DNAJC2: variants seen among roughly 807,000 people sequenced by gnomAD.
DNAJC2 encodes dnaJ homolog subfamily C member 2.
DNAJC2 carries 32 observed loss-of-function variants against 94.0 expected under a neutral mutation model. The observed-to-expected ratio is 0.34, with a 90% CI of 0.26 to 0.46. The LOEUF (loss-of-function observed/expected upper bound fraction) is 0.46. DNAJC2 is among the 20% of genes least tolerant of loss of function. DNAJC2 has a pLI of 1.00. For missense variants in DNAJC2, 550 were observed against 719.5 expected, an observed-to-expected ratio of 0.76 and a Z score of 2.69; for synonymous variants, 210 against 229.7, an observed-to-expected ratio of 0.91 and a Z score of 0.77.
chr7:103,343,095 G>A (rs1317259385), intron 1 of DNAJC2, among the ~76,000 whole-genome samples: 1 of 151,906 alleles, frequency 6.6e-6, no homozygotes, highest in Non-Finnish European at 1.5e-5. Context: ...CGCCTCCCGG[G>A]TTCAAACGAT....
chr7:103,319,766 C>G lies in DNAJC2; in HGVS notation c.1162G>C (p.Glu388Gln). 4 of 1,614,206 alleles carry G rather than the reference C, an allele frequency of 2.5e-6. No homozygotes were observed. In the South Asian group the frequency reaches 3.3e-5, roughly 13 times the overall value. Residue 388 changes from glutamate (E) to glutamine (Q), a missense_variant, in exon 11 of 17, where the codon GAA becomes CAA. By Grantham distance (29) the Glu-to-Gln change is conservative (BLOSUM62 2). Around this residue, in one of 2 missense-constraint regions of DNAJC2, gnomAD observed 271 missense variants for 302.6 expected, o/e 0.90. Transcript: ENST00000379263. ...GTTCCATAGGTATACCTTGCCAGTT[C>G]AAGCCGATCACAAAGTTTTTCCACT... The part of the protein sequence containing the change: ...EEVEKLCDRL[E>Q]LASLQCLNET...
At chr7:103,317,613 T>C (rs886972760) in intron 12 of DNAJC2, among the ~76,000 whole-genome samples, 1 of 152,206 alleles carries the variant, frequency 6.6e-6, no homozygotes, top group East Asian at 1.9e-4. Context: ...AAAAATTTTT[T>C]TGATTCCCAT....
Position 103,315,880 on chromosome 7 carries a change from T to C in DNAJC2, c.1529-9A>G. The stretch of plus-strand genomic sequence containing the variant: ...ATCTTTTTGATGAGGGTCTGAGAAA[T>C]GAAAAAAATTTAATACTTAACAGAT... On this transcript the variant is annotated splice_polypyrimidine_tract_variant and intron_variant, in intron 14 of 16. Transcript: ENST00000379263. 1 of 1,594,756 alleles carries C rather than the reference T, an allele frequency of 6.3e-7. No homozygotes were observed. The highest frequency in any genetic ancestry group is 8.6e-7 in the Non-Finnish European group (1 of 1,166,504).
chr7:103,341,863 T>G lies in DNAJC2; in HGVS notation c.156A>C (p.Glu52Asp). ...RNRNASASFQELEDKKELSEE... is the reference protein window; with the variant it reads ...RNRNASASFQDLEDKKELSEE... ...CGGATAACTCTTTCTTATCCTCCAGTTCCTGAAAAGAGGCAGAAGCATTTC... is the reference window on the plus strand; with the variant it reads ...CGGATAACTCTTTCTTATCCTCCAGGTCCTGAAAAGAGGCAGAAGCATTTC... Residue 52 changes from glutamate (E) to aspartate (D), a missense_variant, in exon 2 of 17, where the codon GAA (glutamate) becomes GAC (aspartate). Transcript: ENST00000379263. 6.2e-7 allele frequency: 1 copy of G among 1,613,296 alleles called. No individual in the cohort carries two copies. The highest frequency in any genetic ancestry group is 8.5e-7 in the Non-Finnish European group (1 of 1,179,816).
At chr7:103,334,901 T>G (rs1047485236) in intron 3 of DNAJC2, among the ~76,000 whole-genome samples, 3 of 152,200 alleles carry the variant, frequency 2.0e-5, no homozygotes, top group African/African-American at 7.2e-5. Flanking sequence ...TGGTGCAATC[T>G]CGGCTGGCTG....
chr7:103,326,585 T>G lies in DNAJC2; in HGVS notation c.530A>C (p.Asn177Thr). 1.2e-6 allele frequency: 2 copies of G among 1,613,966 alleles called. No homozygotes were observed. The highest frequency in any genetic ancestry group is 1.7e-6 in the Non-Finnish European group (2 of 1,179,942). ...CACTGGGGTAAACACTTCGAAGAAA[T>G]TATCCTTTGCTTCACTTTTAGAAGG... ...SVPSKSEAKDNFFEVFTPVFE... is the reference protein window; with the variant it reads ...SVPSKSEAKDTFFEVFTPVFE... The change falls in exon 5 of 17, where the codon AAT (asparagine) becomes ACT (threonine). Residue 177 changes from asparagine to threonine, a missense_variant. By Grantham distance (65) the Asn-to-Thr change is moderately conservative (BLOSUM62 0). This residue lies in a region of DNAJC2 where 279 missense variants were observed against 416.9 expected (regional missense o/e 0.67). Coordinates refer to ENST00000379263, the MANE Select transcript of DNAJC2 (RefSeq NM_014377.3).
chr7:103,317,064 T>A, intron 12 of DNAJC2, 50 bp from the exon 13 acceptor site: 1 of 1,480,312 alleles, frequency 6.8e-7, no homozygotes, highest in Non-Finnish European at 9.3e-7. Context: ...GTATTGCTAT[T>A]CTACACTCTC....
chr7:103,317,689 C>T (rs1175544748), intron 12 of DNAJC2, among the ~76,000 whole-genome samples: 3 of 152,112 alleles, frequency 2.0e-5, no homozygotes, highest in African/African-American at 4.8e-5. Context: ...CTCACTCTGT[C>T]GCCCAGGCTG....
At position 103,344,761 on chromosome 7, in the gene DNAJC2, G is replaced by C. The variant is rs896060828; in HGVS notation, c.-139C>G. On this transcript the variant is annotated 5_prime_UTR_variant, in exon 1 of 17. Transcript: ENST00000379263. ...CGCCCAGGAACCGGCGCATGGAGAC[G>C]ACCAGTAAGCACTTCCGGGATGGAT... 1.2e-6 allele frequency: 1 copy of C among 810,408 alleles called. No individual in the cohort carries two copies. The allele number at this position is 810,408 out of a possible 1,614,324, so 50.2% of individuals were successfully genotyped here.
Position 103,319,669 on chromosome 7 carries a change from G to A in DNAJC2, c.1182C>T (p.Cys394=), listed in dbSNP as rs747655475. ...CDRLELASLQ[C]LNETLTSCTK... is the part of the protein sequence containing the mutation. Reference sequence around the variant, plus strand: ...TGCATGATGTGAGTGTTTCATTCAAGCACTGTAAGCTAAAGAAAAAAAAAG... The same window carrying A: ...TGCATGATGTGAGTGTTTCATTCAAACACTGTAAGCTAAAGAAAAAAAAAG... Residue 394 remains cysteine, a synonymous_variant, in exon 12 of 17, where the codon TGC becomes TGT. Coordinates refer to ENST00000379263, the MANE Select transcript of DNAJC2 (RefSeq NM_014377.3). 2.5e-6 allele frequency: 4 copies of A among 1,613,740 alleles called. No homozygotes were observed.
intron 12 of DNAJC2, among the ~76,000 whole-genome samples, chr7:103,318,126 A>G (rs1431865228): frequency 6.6e-6 from 1 of 151,814 alleles, no homozygotes; most frequent in African/African-American, 2.4e-5. Flanking sequence ...GCTTTTCCTA[A>G]CTGATTTTGT....
rs137872301 is a variant in DNAJC2, at chr7:103,338,093, T to C, written c.256-282A>G. On this transcript the variant is annotated intron_variant, in intron 2 of 16. Coordinates refer to ENST00000379263, the MANE Select transcript of DNAJC2 (RefSeq NM_014377.3). The stretch of plus-strand genomic sequence containing the variant: ...CCAGCCTGGGCAACAAAGTAAGATC[T>C]CTGTCTCTACAAAAAAATTTTTAAA... 3.8e-3 allele frequency among the ~76,000 whole-genome samples: 571 copies of C among 152,058 alleles called. 4 individuals are homozygous for C. Among genetic ancestry groups the C allele is most frequent in the African/African-American group, 0.014 (562 of 41,478 alleles).
chr7:103,342,778 T>G (rs2116071648), intron 1 of DNAJC2, among the ~76,000 whole-genome samples: 1 of 150,944 alleles, frequency 6.6e-6, no homozygotes, highest in African/African-American at 2.4e-5. Context: ...CCGGCTAATT[T>G]TTTGCATTTT....
At chr7:103,315,140 C>T (rs771554954) in intron 15 of DNAJC2, among the ~76,000 whole-genome samples, 1 of 150,684 alleles carries the variant, frequency 6.6e-6, no homozygotes, top group Non-Finnish European at 1.5e-5. Flanking sequence ...AGAGTAATCA[C>T]AACACCCAAG....
chr7:103,344,471 G>C (rs1769609294), intron 1 of DNAJC2, 88 bp downstream of exon 1: 7 of 1,478,810 alleles, frequency 4.7e-6, no homozygotes, highest in Non-Finnish European at 6.6e-6. Context: ...CCAGGGTCAA[G>C]GGTAGAGAGA....
At chr7:103,335,328 A>C (rs1819125293) in intron 3 of DNAJC2, 1 of 152,226 alleles carries the variant, frequency 6.6e-6, no homozygotes, top group Non-Finnish European at 1.5e-5. Flanking sequence ...ATAGATTTTC[A>C]GAAAGCAATG....
At chr7:103,314,963 A>G (rs929184093) in intron 15 of DNAJC2, among the ~76,000 whole-genome samples, 2 of 152,174 alleles carry the variant, frequency 1.3e-5, no homozygotes, top group Non-Finnish European at 2.9e-5. Flanking sequence ...TTGTCATAGC[A>G]AGAAAAAAAT....
chr7:103,319,926 T>C, intron 10 of DNAJC2, 82 bp from the exon 11 acceptor site: 1 of 1,467,874 alleles, frequency 6.8e-7, no homozygotes, highest in Non-Finnish European at 9.5e-7. Flanking sequence ...TCCCAGCTAC[T>C]CGGGAGGCTG....
At position 103,344,625 on chromosome 7, in the gene DNAJC2, T is replaced by G. The variant is rs1819530816; in HGVS notation, c.-3A>C. Reference sequence around the variant, plus strand: ...GCGGCGCTTGGCAGAAGCAGCATGATGGCGCCGGGTCTAGCCCGGTGGGCG... The same window carrying G: ...GCGGCGCTTGGCAGAAGCAGCATGAGGGCGCCGGGTCTAGCCCGGTGGGCG... On this transcript the variant is annotated 5_prime_UTR_variant, in exon 1 of 17. Coordinates refer to ENST00000379263, the MANE Select transcript of DNAJC2 (RefSeq NM_014377.3). 6.2e-7 allele frequency: 1 copy of G among 1,609,818 alleles called. No individual in the cohort carries two copies. The highest frequency in any genetic ancestry group is 8.5e-7 in the Non-Finnish European group (1 of 1,179,910).
Sources: allele counts gnomAD v4.1 joint callset (sites outside exome capture counted in the v4.1 genomes callset), GRCh38; gene constraint gnomAD v4.1.1; regional missense constraint gnomAD v4.1.1; transcripts MANE v1.5; gene names NCBI Gene and HGNC (gene_info 2026-07-23, HGNC 2026-07-21).